ANKS1B: variants seen among roughly 807,000 people sequenced by gnomAD.
The protein encoded by ANKS1B is ankyrin repeat and sterile alpha motif domain-containing protein 1B.
ANKS1B carries 36 observed loss-of-function variants against 148.3 expected under a neutral mutation model. That is an observed-to-expected ratio of 0.24 (90% CI 0.19 to 0.32). The LOEUF (loss-of-function observed/expected upper bound fraction) is 0.32, where lower values mean the gene tolerates loss of function less well. ANKS1B is among the 10% of genes least tolerant of loss of function. The pLI, the probability that ANKS1B is intolerant of heterozygous loss-of-function variation, is 1.00. For synonymous variants in ANKS1B, 542 were observed against 560.8 expected (o/e 0.97, Z 0.47); for missense variants, 1,157 against 1,542.6 (o/e 0.75, Z 4.19).
chr12:99,180,875 C>G (rs1259064960), intron 14 of ANKS1B, among the ~76,000 whole-genome samples: 2 of 147,910 alleles, frequency 1.4e-5, no homozygotes, highest in Non-Finnish European at 3.0e-5. Context: ...ACTTTCTCCC[C>G]CAAAGCAAGC....
intron 15 of ANKS1B, among the ~76,000 whole-genome samples, chr12:99,135,472 G>A (rs1480950762): frequency 6.6e-6 from 1 of 152,190 alleles, no homozygotes; most frequent in Non-Finnish European, 1.5e-5. Context: ...TGACACATCA[G>A]GACACTGAGG....
At chr12:99,411,987 A>G (rs150922895) in intron 11 of ANKS1B, among the ~76,000 whole-genome samples, 1 of 152,352 alleles carries the variant, frequency 6.6e-6, no homozygotes, top group African/African-American at 2.4e-5. Context: ...GGATACATCA[A>G]TGAACAAATA....
intron 1 of ANKS1B, among the ~76,000 whole-genome samples, chr12:99,860,379 A>G (rs546620011): frequency 2.6e-5 from 4 of 152,198 alleles, no homozygotes; most frequent in Non-Finnish European, 5.9e-5. Flanking sequence ...ATGAAACATC[A>G]TGGGTTGTTC....
At chr12:99,014,930 T>C (rs772401527) in intron 17 of ANKS1B, among the ~76,000 whole-genome samples, 2 of 152,156 alleles carry the variant, frequency 1.3e-5, no homozygotes, top group African/African-American at 2.4e-5. Flanking sequence ...GAGTATAAAC[T>C]AGTTCAGCCA....
intron 1 of ANKS1B, among the ~76,000 whole-genome samples, chr12:99,960,957 A>C (rs898696059): frequency 1.3e-5 from 2 of 152,104 alleles, no homozygotes; most frequent in African/African-American, 4.8e-5. Context: ...GCTGGGCATG[A>C]TGGCTCACAC....
At chr12:99,474,210 A>G (rs1346251289) in intron 10 of ANKS1B, among the ~76,000 whole-genome samples, 1 of 152,090 alleles carries the variant, frequency 6.6e-6, no homozygotes, top group Non-Finnish European at 1.5e-5. Context: ...TATGTAAGTC[A>G]TGAAAGTACA....
At chr12:99,245,410 C>T (rs958096584) in intron 13 of ANKS1B, among the ~76,000 whole-genome samples, 4 of 152,142 alleles carry the variant, frequency 2.6e-5, no homozygotes, top group African/African-American at 9.7e-5. Flanking sequence ...CAATTTATGG[C>T]TTAATGACTC....
intron 9 of ANKS1B, among the ~76,000 whole-genome samples, chr12:99,627,412 A>G (rs990094920): frequency 2.6e-5 from 4 of 152,212 alleles, no homozygotes; most frequent in African/African-American, 9.6e-5. Context: ...TTATCAGTTC[A>G]TTTAATCCTC....
chr12:99,168,276 G>A (rs541156137), intron 14 of ANKS1B, among the ~76,000 whole-genome samples: 172 of 152,310 alleles, frequency 1.1e-3, no homozygotes, highest in Non-Finnish European at 1.5e-3. Flanking sequence ...CAGCACTTTG[G>A]GAGGCTGAGG....
At chr12:99,950,623 T>C (rs759348736) in intron 1 of ANKS1B, among the ~76,000 whole-genome samples, 1 of 152,200 alleles carries the variant, frequency 6.6e-6, no homozygotes, top group Non-Finnish European at 1.5e-5. Flanking sequence ...TAGTTTTTCA[T>C]TTACCTATCA....
chr12:99,496,590 T>C (rs2096606670), intron 10 of ANKS1B, among the ~76,000 whole-genome samples: 1 of 152,234 alleles, frequency 6.6e-6, no homozygotes, highest in Admixed American at 6.5e-5. Flanking sequence ...ATGTGAAATC[T>C]GTAGTCATGA....
chr12:99,172,737 A>G (rs965137046), intron 14 of ANKS1B, among the ~76,000 whole-genome samples: 1 of 149,560 alleles, frequency 6.7e-6, no homozygotes, highest in African/African-American at 2.4e-5. Flanking sequence ...TATGCTTTAC[A>G]AAGTGATGAA....
At chr12:99,792,396 C>G (rs1414692590) in intron 4 of ANKS1B, among the ~76,000 whole-genome samples, 2 of 151,606 alleles carry the variant, frequency 1.3e-5, no homozygotes, top group Non-Finnish European at 2.9e-5. Context: ...TTCTACAAGG[C>G]CAGTATTAAT....
At chr12:99,323,391 TA>T (rs900021970) in intron 12 of ANKS1B, among the ~76,000 whole-genome samples, 8 of 152,208 alleles carry the variant, frequency 5.3e-5, no homozygotes, top group African/African-American at 1.4e-4. Flanking sequence ...TATCAAGAGT[TA>T]AAATTAATGG....
chr12:99,491,978 A>G (rs2096559933), intron 10 of ANKS1B, among the ~76,000 whole-genome samples: 1 of 152,070 alleles, frequency 6.6e-6, no homozygotes, highest in South Asian at 2.1e-4. Context: ...CAAATTAACA[A>G]CCTAACATCA....
chr12:99,636,131 C>T (rs1363789980), intron 9 of ANKS1B, among the ~76,000 whole-genome samples: 2 of 151,882 alleles, frequency 1.3e-5, no homozygotes. Context: ...CAGACAAAGT[C>T]TGTTAAATAT....
intron 12 of ANKS1B, among the ~76,000 whole-genome samples, chr12:99,278,557 C>T (rs2077982902): frequency 6.6e-6 from 1 of 152,106 alleles, no homozygotes; most frequent in Non-Finnish European, 1.5e-5. Flanking sequence ...TGCACTTCCT[C>T]CCCCTCTTTG....
At chr12:99,295,301 G>A (rs2080711847) in intron 12 of ANKS1B, among the ~76,000 whole-genome samples, 1 of 152,178 alleles carries the variant, frequency 6.6e-6, no homozygotes, top group Non-Finnish European at 1.5e-5. Flanking sequence ...CTAATGATAG[G>A]AAGTATTTTT....
chr12:99,154,486 A>G (rs1260201426), intron 14 of ANKS1B, 91 bp from the exon 15 acceptor site: 4 of 1,611,098 alleles, frequency 2.5e-6, no homozygotes. Flanking sequence ...TGGCATTGCC[A>G]CATCATGCCC....
Sources: allele counts gnomAD v4.1 joint callset (sites outside exome capture counted in the v4.1 genomes callset), GRCh38; gene constraint gnomAD v4.1.1; transcripts MANE v1.5; gene names NCBI Gene and HGNC (gene_info 2026-07-23, HGNC 2026-07-21).